UTS2B: variants seen among roughly 807,000 people sequenced by gnomAD.
UTS2B encodes urotensin-2B.
In UTS2B, 21 loss-of-function variants were observed where a neutral mutation model predicts 19.2. The ratio of observed to expected loss-of-function variants is 1.09; its 90% CI spans 0.78 to 1.58. UTS2B has a LOEUF of 1.58. UTS2B is among the 40% of genes most tolerant of loss of function. The probability of loss-of-function intolerance (pLI) is 0.00; values close to 1 mark genes in which losing one functional copy is unlikely to be tolerated. For missense variants in UTS2B, 138 were observed against 130.3 expected (o/e 1.06, Z -0.29); for synonymous variants, 57 against 50.2 (o/e 1.14, Z -0.58).
At chr3:191,293,488 T>C (rs1404206922) in intron 4 of UTS2B, among the ~76,000 whole-genome samples, 1 of 152,164 alleles carries the variant, frequency 6.6e-6, no homozygotes, top group Non-Finnish European at 1.5e-5. Context: ...TAAGAATTTA[T>C]CCATTCCATA....
At chr3:191,345,022 A>G in the UTS2B span, among the ~76,000 whole-genome samples, 1 of 152,218 alleles carries the variant, frequency 6.6e-6, no homozygotes. Context: ...TGATGGGAAT[A>G]GAAAGACAGA....
chr3:191,331,896 A>G (rs1482676966), upstream of UTS2B, among the ~76,000 whole-genome samples: 2 of 152,184 alleles, frequency 1.3e-5, no homozygotes, highest in Non-Finnish European at 1.5e-5. Context: ...TTCATTTGAG[A>G]AGGGTTAGTA....
Position 191,285,224 on chromosome 3 carries a change from T to C in UTS2B, c.-124-2911A>G, listed in dbSNP as rs558035381. On this transcript the variant is annotated intron_variant, in intron 4 of 8. Coordinates refer to ENST00000340524, the MANE Select transcript of UTS2B (RefSeq NM_198152.5). The stretch of plus-strand genomic sequence containing the variant: ...AAAATATGAGGAGGTTAAGTAAAAG[T>C]GTAGAGTTATTTTACGTGATCAATG... Among the ~76,000 whole-genome samples the C allele has an allele frequency of 4.1e-3, 444 of 109,056 alleles. 5 individuals carry two copies. The highest frequency in any genetic ancestry group is 0.011 in the African/African-American group (419 of 38,452). The allele number at this position is 109,056 out of a possible 152,430, so 71.5% of individuals were successfully genotyped here. A position where few individuals can be genotyped will look rare whatever the true frequency, so the allele number is the denominator to read the frequency against.
chr3:191,277,253 A>G (rs1478577779), intron 6 of UTS2B, among the ~76,000 whole-genome samples: 4 of 152,156 alleles, frequency 2.6e-5, no homozygotes, highest in Admixed American at 2.0e-4. Flanking sequence ...TACTAAGGCT[A>G]ACTTGCTCCA....
the UTS2B span, among the ~76,000 whole-genome samples, chr3:191,338,926 GT>G: frequency 1.4e-4 from 21 of 152,106 alleles, no homozygotes; most frequent in African/African-American, 4.8e-4. Context: ...TTTTGTTGCT[GT>G]TACTAGAGTA....
intron 5 of UTS2B, among the ~76,000 whole-genome samples, chr3:191,281,523 C>A (rs183673922): frequency 9.6e-4 from 145 of 151,558 alleles, no homozygotes; most frequent in African/African-American, 3.3e-3. Context: ...TTCTAGCTGT[C>A]ATAGATGGAA....
At position 191,289,447 on chromosome 3, in the gene UTS2B, T is replaced by TAAAA. The variant is rs1196956499; in HGVS notation, c.-124-7138_-124-7135dup. On this transcript the variant is annotated intron_variant, in intron 4 of 8. Coordinates refer to ENST00000340524, the MANE Select transcript of UTS2B (RefSeq NM_198152.5). Reference sequence around the variant, plus strand: ...ATAAATAAATAAATAAATAAATAAATAAAAAACAAACGAAATTAATATGTT... The same window carrying TAAAA: ...ATAAATAAATAAATAAATAAATAAATAAAAAAAAAACAAACGAAATTAATATGTT... Among the ~76,000 whole-genome samples the TAAAA allele has an allele frequency of 2.6e-4, 38 of 144,656 alleles. 1 individual carries two copies. The highest frequency in any genetic ancestry group is 1.2e-3 in the East Asian group (6 of 5,000). The allele number at this position is 144,656 out of a possible 152,430, so 94.9% of individuals were successfully genotyped here. A position where few individuals can be genotyped will look rare whatever the true frequency, so the allele number is the denominator to read the frequency against.
At chr3:191,274,118 A>C (rs1176183002) in intron 8 of UTS2B, among the ~76,000 whole-genome samples, 1 of 151,534 alleles carries the variant, frequency 6.6e-6, no homozygotes, top group Non-Finnish European at 1.5e-5. Flanking sequence ...AAAAGCCACT[A>C]AATTCCCTCC....
At chr3:191,327,747 T>C (rs1576940419) in intron 2 of UTS2B, among the ~76,000 whole-genome samples, 1 of 152,194 alleles carries the variant, frequency 6.6e-6, no homozygotes, top group South Asian at 2.1e-4. Context: ...CACGGCTTGG[T>C]AGAGAAGTAG....
At chr3:191,317,389 C>T (rs1560146898) in intron 2 of UTS2B, among the ~76,000 whole-genome samples, 2 of 152,258 alleles carry the variant, frequency 1.3e-5, no homozygotes, top group Non-Finnish European at 2.9e-5. Flanking sequence ...TCTCCCTCCA[C>T]ACCTCCCTGC....
At chr3:191,331,984 T>C (rs1409548785), upstream of UTS2B, among the ~76,000 whole-genome samples, 1 of 152,226 alleles carries the variant, frequency 6.6e-6, no homozygotes, top group African/African-American at 2.4e-5. Context: ...TCCTCTACTT[T>C]TTAATTTAAA....
At chr3:191,292,229 T>A (rs1381287938) in intron 4 of UTS2B, among the ~76,000 whole-genome samples, 2 of 152,192 alleles carry the variant, frequency 1.3e-5, no homozygotes, top group Admixed American at 6.5e-5. Flanking sequence ...TATGCCTGGA[T>A]CTGTGAACAC....
At chr3:191,328,210 T>C (rs945963771) in intron 2 of UTS2B, 2 of 152,212 alleles carry the variant, frequency 1.3e-5, no homozygotes, top group African/African-American at 4.8e-5. Flanking sequence ...CTACGTGGCC[T>C]CTCATACTGG....
intron 1 of UTS2B, chr3:191,329,684 G>C: frequency 6.2e-7 from 1 of 1,610,404 alleles, no homozygotes; most frequent in Non-Finnish European, 8.5e-7. Context: ...TATGGCTGAA[G>C]TCAGCATCGA....
intron 1 of UTS2B, chr3:191,329,718 A>C (rs1403322504): frequency 1.2e-6 from 2 of 1,609,710 alleles, no homozygotes; most frequent in Admixed American, 3.4e-5. Flanking sequence ...CCTGGAGTCA[A>C]GGAAGGTAAG....
At chr3:191,327,681 C>G (rs996557430) in intron 2 of UTS2B, among the ~76,000 whole-genome samples, 3 of 152,156 alleles carry the variant, frequency 2.0e-5, no homozygotes, top group African/African-American at 7.2e-5. Flanking sequence ...TGGTCAATCA[C>G]AACAGGAAGC....
At chr3:191,272,385 C>T (rs1716115577) in intron 8 of UTS2B, among the ~76,000 whole-genome samples, 1 of 152,178 alleles carries the variant, frequency 6.6e-6, no homozygotes, top group South Asian at 2.1e-4. Flanking sequence ...GCATCTGCAA[C>T]AGCTTGGGAT....
At chr3:191,311,838 C>T (rs894930604) in intron 3 of UTS2B, among the ~76,000 whole-genome samples, 2 of 152,064 alleles carry the variant, frequency 1.3e-5, no homozygotes, top group Non-Finnish European at 2.9e-5. Context: ...AGTTATGTGG[C>T]ATGAAAATTT....
the UTS2B span, among the ~76,000 whole-genome samples, chr3:191,337,054 T>C: frequency 2.6e-5 from 4 of 151,412 alleles, no homozygotes; most frequent in South Asian, 4.2e-4. Flanking sequence ...GCCATACTTA[T>C]TCATTTACAT....
Sources: allele counts gnomAD v4.1 joint callset (sites outside exome capture counted in the v4.1 genomes callset), GRCh38; gene constraint gnomAD v4.1.1; transcripts MANE v1.5; gene names NCBI Gene and HGNC (gene_info 2026-07-23, HGNC 2026-07-21).